Variants in SPATA17 observed in about 807,000 individuals in gnomAD.
SPATA17 encodes the protein spermatogenesis associated 17.
A neutral mutation model predicts 62.2 loss-of-function variants in SPATA17; 53 were observed. That is an observed-to-expected ratio of 0.85 (90% confidence interval 0.68 to 1.07). SPATA17 has a LOEUF of 1.07. Among genes scored for constraint, SPATA17 ranks in the 50% least tolerant of loss-of-function variants. SPATA17 has a pLI of 0.00. For synonymous variants in SPATA17, 146 were observed against 146.8 expected, an observed-to-expected ratio of 0.99 and a Z score of 0.04; for missense variants, 466 against 425.5, an observed-to-expected ratio of 1.10 and a Z score of -0.84.
intron 9 of SPATA17, among the ~76,000 whole-genome samples, chr1:217,805,060 A>T (rs574636766): frequency 6.6e-6 from 1 of 152,318 alleles, no homozygotes; most frequent in Non-Finnish European, 1.5e-5. Context: ...AAATCCATAT[A>T]TTGAAGAGAT....
chr1:217,709,525 G>C (rs1303478116), intron 5 of SPATA17, among the ~76,000 whole-genome samples: 1 of 152,144 alleles, frequency 6.6e-6, no homozygotes, highest in Non-Finnish European at 1.5e-5. Flanking sequence ...CAAGTGACTG[G>C]AGAACACAAG....
chr1:217,805,765 T>C (rs955088278), intron 9 of SPATA17, among the ~76,000 whole-genome samples: 1 of 152,174 alleles, frequency 6.6e-6, no homozygotes, highest in African/African-American at 2.4e-5. Context: ...CATGTTAGAA[T>C]GGCTATTAAC....
intron 8 of SPATA17, among the ~76,000 whole-genome samples, chr1:217,783,529 G>C (rs1405876958): frequency 6.6e-6 from 1 of 151,976 alleles, no homozygotes; most frequent in Non-Finnish European, 1.5e-5. Context: ...TGAGGAGGTA[G>C]ATTCATTTTA....
chr1:217,809,756 CA>C (rs1444724078), intron 9 of SPATA17, among the ~76,000 whole-genome samples: 5 of 152,204 alleles, frequency 3.3e-5, no homozygotes, highest in African/African-American at 1.2e-4. Context: ...GATCAAATTT[CA>C]ACATGAGTTT....
chr1:217,650,487 G>A (rs946071082), intron 2 of SPATA17, among the ~76,000 whole-genome samples: 1 of 151,846 alleles, frequency 6.6e-6, no homozygotes, highest in South Asian at 2.1e-4. Context: ...CGCGATCTCG[G>A]CTCACTGCAA....
At chr1:217,786,419 GATGATGTGAAAAGGA>G (rs1673864116) in intron 8 of SPATA17, among the ~76,000 whole-genome samples, 1 of 152,082 alleles carries the variant, frequency 6.6e-6, no homozygotes, top group South Asian at 2.1e-4. Context: ...AAAGTAGGCT[GATGATGTGAAAAGGA>G]AAACGATGGT....
chr1:217,726,712 TG>T (rs1213032607), intron 5 of SPATA17, among the ~76,000 whole-genome samples: 1 of 141,182 alleles, frequency 7.1e-6, no homozygotes, highest in Non-Finnish European at 1.5e-5. Context: ...CCCATATTTT[TG>T]TGTGTTTTTT....
intron 6 of SPATA17, among the ~76,000 whole-genome samples, chr1:217,744,303 A>C (rs1365485959): frequency 1.0e-5 from 1 of 98,002 alleles, no homozygotes; most frequent in African/African-American, 3.1e-5. Flanking sequence ...TCTACTAAAA[A>C]TACAAAAAAA....
At chr1:217,700,441 ATATCT>A (rs1177694466) in intron 5 of SPATA17, among the ~76,000 whole-genome samples, 4 of 152,128 alleles carry the variant, frequency 2.6e-5, no homozygotes, top group Admixed American at 2.0e-4. Context: ...GTTCTGATAG[ATATCT>A]TATTTTCTTG....
chr1:217,769,473 T>C (rs1458376077), intron 6 of SPATA17, among the ~76,000 whole-genome samples: 1 of 152,224 alleles, frequency 6.6e-6, no homozygotes, highest in Non-Finnish European at 1.5e-5. Context: ...AGAATAAGCA[T>C]ATAAACAACC....
intron 6 of SPATA17, among the ~76,000 whole-genome samples, chr1:217,757,233 G>C (rs1673067970): frequency 6.6e-6 from 1 of 152,182 alleles, no homozygotes; most frequent in Non-Finnish European, 1.5e-5. Context: ...TTCAGAACCA[G>C]TGGAGAGAAA....
At chr1:217,787,628 A>G (rs528977249) in intron 8 of SPATA17, among the ~76,000 whole-genome samples, 3 of 152,298 alleles carry the variant, frequency 2.0e-5, no homozygotes, top group African/African-American at 4.8e-5. Context: ...AAAACCTTAA[A>G]CACTATTAAC....
intron 8 of SPATA17, among the ~76,000 whole-genome samples, chr1:217,786,798 C>A (rs1673881908): frequency 6.6e-6 from 1 of 151,178 alleles, no homozygotes; most frequent in East Asian, 2.0e-4. Context: ...TCTTCTTCTT[C>A]TTCTTCTTCT....
chr1:217,735,391 C>T (rs1672489215), intron 5 of SPATA17, among the ~76,000 whole-genome samples: 1 of 152,112 alleles, frequency 6.6e-6, no homozygotes, highest in Non-Finnish European at 1.5e-5. Context: ...GTTTTAAATC[C>T]CATGGCACTA....
chr1:217,841,886 A>G (rs1675412914), intron 9 of SPATA17, among the ~76,000 whole-genome samples: 1 of 151,178 alleles, frequency 6.6e-6, no homozygotes, highest in African/African-American at 2.4e-5. Flanking sequence ...TATAATATGT[A>G]TATTATAAAC....
intron 9 of SPATA17, among the ~76,000 whole-genome samples, chr1:217,850,888 A>T (rs2103011528): frequency 6.6e-6 from 1 of 152,190 alleles, no homozygotes; most frequent in East Asian, 1.9e-4. Context: ...GTGATGCAAA[A>T]CAAAAAAAAT....
intron 9 of SPATA17, among the ~76,000 whole-genome samples, chr1:217,840,398 C>G (rs1675363599): frequency 6.6e-6 from 1 of 152,078 alleles, no homozygotes; most frequent in African/African-American, 2.4e-5. Context: ...AGCCTCAGAA[C>G]TAACTAACCT....
At chr1:217,636,152 G>T (rs1669935360) in intron 1 of SPATA17, among the ~76,000 whole-genome samples, 1 of 111,432 alleles carries the variant, frequency 9.0e-6, no homozygotes, top group African/African-American at 3.5e-5. Context: ...AAAAAAAAAG[G>T]GTGTTTTCAG....
At chr1:217,843,402 T>G (rs1675454276) in intron 9 of SPATA17, among the ~76,000 whole-genome samples, 1 of 151,732 alleles carries the variant, frequency 6.6e-6, no homozygotes, top group Non-Finnish European at 1.5e-5. Flanking sequence ...GGATCCTGAG[T>G]CCAGGAGTTC....
Sources: gnomAD v4.1 joint callset for allele counts (sites outside exome capture counted in the v4.1 genomes callset) on GRCh38, gnomAD v4.1.1 for gene constraint, MANE v1.5 for transcripts, NCBI Gene and HGNC (gene_info 2026-07-23, HGNC 2026-07-21) for gene names.